LTBP4: variants seen among roughly 807,000 people sequenced by gnomAD.
The protein encoded by LTBP4 is latent transforming growth factor beta binding protein 4.
In LTBP4, 93 loss-of-function variants were observed where a neutral mutation model predicts 180.2. The observed-to-expected ratio is 0.52, with a 90% CI of 0.44 to 0.61. The LOEUF (loss-of-function observed/expected upper bound fraction) is 0.61, where lower values mean the gene tolerates loss of function less well. Among genes scored for constraint, LTBP4 ranks in the 20% least tolerant of loss-of-function variants. The pLI, the probability that LTBP4 is intolerant of heterozygous loss-of-function variation, is 0.00. For missense variants in LTBP4, 2,116 were observed against 2,256.5 expected (o/e 0.94, Z 1.26); for synonymous variants, 947 against 934.5 (o/e 1.01, Z -0.24).
intron 1 of LTBP4, among the ~76,000 whole-genome samples, chr19:40,594,174 A>G (rs1462609470): frequency 6.6e-6 from 1 of 151,456 alleles, no homozygotes; most frequent in Non-Finnish European, 1.5e-5. Flanking sequence ...TAGAACACTG[A>G]AGAGCTGGGT....
rs2081620034 is a variant in LTBP4, at chr19:40,625,281, TATATATATATATATATATATATATATA to T, written c.3833-575_3833-549del. On this transcript the variant is annotated intron_variant, in intron 26 of 29. Coordinates refer to ENST00000396819, the MANE Select transcript of LTBP4 (RefSeq NM_001042545.2). ...ATATATATATATATATATATATATA[TATATATATATATATATATATATATATA>T]TATATATATTTTTTTTTTTAAAGAT... Among the ~76,000 whole-genome samples the T allele has an allele frequency of 1.7e-3, 17 of 9,798 alleles. 2 individuals are homozygous for T. Among genetic ancestry groups the T allele is most frequent in the African/African-American group, 9.7e-3 (10 of 1,032 alleles). The allele number at this position is 9,798 out of a possible 152,430, so 6.4% of individuals were successfully genotyped here. A position where few individuals can be genotyped will look rare whatever the true frequency, so the allele number is the denominator to read the frequency against.
chr19:40,623,476 C>G, intron 24 of LTBP4, 128 bp from the exon 25 acceptor site: 1 of 1,232,790 alleles, frequency 8.1e-7, no homozygotes, highest in South Asian at 1.5e-5. Context: ...CTCCTGGCCT[C>G]TCCATCTTTC....
intron 15 of LTBP4, among the ~76,000 whole-genome samples, chr19:40,612,504 G>A (rs1405521939): frequency 6.6e-6 from 1 of 152,120 alleles, no homozygotes; most frequent in Non-Finnish European, 1.5e-5. Flanking sequence ...ATTTGACTGT[G>A]ACATTTGACC....
At chr19:40,603,870 C>G (rs927898052) in intron 1 of LTBP4, among the ~76,000 whole-genome samples, 1 of 152,230 alleles carries the variant, frequency 6.6e-6, no homozygotes, top group Non-Finnish European at 1.5e-5. Flanking sequence ...GAATGTGGAG[C>G]CTCCGCCCTG....
rs746095973 is a variant in LTBP4, at chr19:40,623,943, C to T, written c.3693C>T (p.Asp1231=). The T allele has an allele frequency of 1.1e-5, 17 of 1,613,920 alleles. 2 individuals carry two copies. The highest frequency in any genetic ancestry group is 1.4e-5 in the Non-Finnish European group (16 of 1,179,850). The part of the protein sequence containing the change: ...HTQRLECIDN[D]ECADEEPACE... ...TAATCATCCTCTCCCTAGACAATGA[C>T]GAGTGCGCCGATGAGGAACCGGCCT... is the stretch of plus-strand genomic sequence containing the variant. The change falls in exon 26 of 30, where the codon GAC becomes GAT. Residue 1231 remains aspartate, a synonymous_variant. Transcript: ENST00000396819.
rs767032890 is a variant in LTBP4, at chr19:40,627,021, C to A, written c.4032C>A (p.Ser1344Arg). The change falls in exon 28 of 30, where the codon AGC (serine) becomes AGA (arginine). Residue 1344 changes from serine to arginine, a missense_variant. Coordinates refer to ENST00000396819, the MANE Select transcript of LTBP4 (RefSeq NM_001042545.2). ...ATGTGCTACGCCCCCCCGCATATAG[C>A]CCCCCGCGACCAGGTGGCTTTGGAC... ...LCNVLRPPAYSPPRPGGFGLP... is the reference protein window; with the variant it reads ...LCNVLRPPAYRPPRPGGFGLP... 6.3e-7 allele frequency: 1 copy of A among 1,599,162 alleles called. No homozygotes were observed. The highest frequency in any genetic ancestry group is 8.5e-7 in the Non-Finnish European group (1 of 1,170,590).
intron 1 of LTBP4, 113 bp downstream of exon 1, chr19:40,601,750 G>A: frequency 1.2e-6 from 1 of 851,936 alleles, no homozygotes; most frequent in Non-Finnish European, 1.6e-6. Flanking sequence ...ATGCAATAGT[G>A]CAAGGGAATA....
At position 40,608,226 on chromosome 19, in the gene LTBP4, T is replaced by C. The variant is rs1329083118; in HGVS notation, c.1163T>C (p.Phe388Ser). 6.2e-7 allele frequency: 1 copy of C among 1,613,974 alleles called. No homozygotes were observed. The highest frequency in any genetic ancestry group is 8.5e-7 in the Non-Finnish European group (1 of 1,179,890). ...QLCPPFGSEGFREICPAGPGY... is the reference protein window; with the variant it reads ...QLCPPFGSEGSREICPAGPGY... ...CTCTCTTACCTATTCCCAGAGGGTT[T>C]CCGGGAGATCTGCCCGGCTGGTCCT... is the stretch of plus-strand genomic sequence containing the variant. Residue 388 changes from phenylalanine (F) to serine (S), a missense_variant, in exon 8 of 30, where the codon TTC becomes TCC. Coordinates refer to ENST00000396819, the MANE Select transcript of LTBP4 (RefSeq NM_001042545.2).
Position 40,605,656 on chromosome 19 carries a change from AGAG to A in LTBP4, c.690+9_690+11del. 1 of 1,562,796 alleles carries A rather than the reference AGAG, an allele frequency of 6.4e-7. No homozygotes were observed. The highest frequency in any genetic ancestry group is 8.7e-7 in the Non-Finnish European group (1 of 1,154,588). ...TCGGGAGCTGCGCGGAGGCGAAGTG[AGAG>A]GAGGCCCGTGGGGAGGGGCCCGGAG... On this transcript the variant is annotated splice_donor_5th_base_variant and intron_variant, in intron 3 of 29. Transcript: ENST00000396819. The surrounding 1 kb of genome is among the most constrained non-coding windows in gnomAD (Gnocchi z 5.5).
Position 40,629,105 on chromosome 19 carries a change from T to C in LTBP4, c.4520-291T>C, listed in dbSNP as rs2081658246. ...CTCAAGTGATCCACCCGCCTCAGCC[T>C]CCCAAAGTGCTGAGATTACAGGCAT... On this transcript the variant is annotated intron_variant, in intron 29 of 29. Transcript: ENST00000396819. This position sits in a 1 kb window ranked among gnomAD's most constrained non-coding sequence, Gnocchi z 4.5. Among the ~76,000 whole-genome samples the C allele has an allele frequency of 6.6e-6, 1 of 152,118 alleles. No individual in the cohort carries two copies. The highest frequency in any genetic ancestry group is 1.5e-5 in the Non-Finnish European group (1 of 68,012).
intron 26 of LTBP4, among the ~76,000 whole-genome samples, chr19:40,624,516 C>G (rs1239715498): frequency 6.6e-6 from 1 of 152,184 alleles, no homozygotes; most frequent in Admixed American, 6.5e-5. Flanking sequence ...GCCTCAGGCT[C>G]CCGAGTAGCT....
chr19:40,597,346 G>T (rs910799050), upstream of LTBP4: 2 of 1,522,860 alleles, frequency 1.3e-6, no homozygotes, highest in Non-Finnish European at 1.8e-6. Context: ...CAGCCAGGTC[G>T]TCGAGGTCCC....
Position 40,608,543 on chromosome 19 carries a change from G to T in LTBP4, c.1366G>T (p.Gly456Cys). 1 of 1,606,154 alleles carries T rather than the reference G, an allele frequency of 6.2e-7. No homozygotes were observed. The change falls in exon 9 of 30, where the codon GGC becomes TGC. Residue 456 changes from glycine to cysteine, a missense_variant. By Grantham distance (159) the Gly-to-Cys change is radical. Transcript: ENST00000396819. ...TGAACCCCGGCCCGATCCCCGGCCCGGCCCTGAGCTTCCCTTGCCCAGCAT... is the reference window on the plus strand; with the variant it reads ...TGAACCCCGGCCCGATCCCCGGCCCTGCCCTGAGCTTCCCTTGCCCAGCAT... ...RPEPRPDPRP[G>C]PELPLPSIPA...
chr19:40,617,376 G>T, intron 21 of LTBP4, 151 bp downstream of exon 21: 1 of 688,880 alleles, frequency 1.5e-6, no homozygotes, highest in East Asian at 1.3e-4. Flanking sequence ...AGGCACGGTG[G>T]CTCACGCCTG....
chr19:40,609,928 C>T lies in LTBP4; in HGVS notation c.1684+57C>T. 1 of 1,468,208 alleles carries T rather than the reference C, an allele frequency of 6.8e-7. No homozygotes were observed. Among genetic ancestry groups the T allele is most frequent in the Non-Finnish European group, 9.0e-7 (1 of 1,108,470 alleles). The allele number at this position is 1,468,208 out of a possible 1,614,324, so 90.9% of individuals were successfully genotyped here. A position where few individuals can be genotyped will look rare whatever the true frequency, so the allele number is the denominator to read the frequency against. ...CACCCCAGGGTCTCGCTCCTGCTCT[C>T]ACTCCAGAGCCTCTCCAGCCCTCCC... On this transcript the variant is annotated intron_variant, in intron 11 of 29. Coordinates refer to ENST00000396819, the MANE Select transcript of LTBP4 (RefSeq NM_001042545.2). This position sits in a 1 kb window ranked among gnomAD's most constrained non-coding sequence, Gnocchi z 4.9.
In LTBP4 at chr19:40,629,384, T is replaced by G. The variant is rs774374102; in HGVS notation, c.4520-12T>G. The G allele has an allele frequency of 5.0e-6, 8 of 1,612,494 alleles. No homozygotes were observed. The South Asian group carries it at 7.7e-5, about 15-fold the overall frequency. ...CCAGCCTTCAGCAGCGATCGTTGTC[T>G]CCCCTCCGCAGACATCAACGAGTGT... is the stretch of plus-strand genomic sequence containing the variant. On this transcript the variant is annotated splice_polypyrimidine_tract_variant and intron_variant, in intron 29 of 29. Coordinates refer to ENST00000396819, the MANE Select transcript of LTBP4 (RefSeq NM_001042545.2). The surrounding 1 kb of genome is among the most constrained non-coding windows in gnomAD (Gnocchi z 4.5).
At chr19:40,617,505 C>G (rs1027589747) in intron 21 of LTBP4, among the ~76,000 whole-genome samples, 1 of 151,994 alleles carries the variant, frequency 6.6e-6, no homozygotes, top group Non-Finnish European at 1.5e-5. Context: ...TTAGCCGGAT[C>G]TGGTGGCAAA....
intron 27 of LTBP4, 118 bp from the exon 28 acceptor site, chr19:40,626,857 C>G: frequency 7.8e-7 from 1 of 1,287,096 alleles, no homozygotes; most frequent in Non-Finnish European, 1.0e-6. Context: ...CCAGAAACCC[C>G]GGGGCCACCC....
chr19:40,612,892 G>A (rs1157616031), intron 15 of LTBP4, among the ~76,000 whole-genome samples, 173 bp from the exon 16 acceptor site: 3 of 152,112 alleles, frequency 2.0e-5, no homozygotes, highest in Non-Finnish European at 4.4e-5. Flanking sequence ...TTGCAACCAT[G>A]GTCCCCGGAA....
Sources: allele counts gnomAD v4.1 joint callset (sites outside exome capture counted in the v4.1 genomes callset), GRCh38; gene constraint gnomAD v4.1.1; non-coding constraint Gnocchi (gnomAD v3.1); transcripts MANE v1.5; gene names NCBI Gene and HGNC (gene_info 2026-07-23, HGNC 2026-07-21).